The following SPRY3 variants were observed in gnomAD, a reference collection of about 807,000 sequenced individuals.
SPRY3 encodes sprouty RTK signaling antagonist 3.
Under a neutral mutation model 20.2 loss-of-function variants are expected in SPRY3, and 15 were observed. That is an observed-to-expected ratio of 0.74 (90% CI 0.50 to 1.14). The LOEUF (loss-of-function observed/expected upper bound fraction) is 1.14. SPRY3 is among the 50% of genes most tolerant of loss of function. SPRY3 has a pLI of 0.00. For synonymous variants in SPRY3, 143 were observed against 136.5 expected, an observed-to-expected ratio of 1.05 and a Z score of -0.33; for missense variants, 364 against 363.9, an observed-to-expected ratio of 1.00 and a Z score of 0.00.
chrX:155,713,862 G>C (rs975211456), intron 2 of SPRY3, among the ~76,000 whole-genome samples: 1 of 151,932 alleles, frequency 6.6e-6, no homozygotes, highest in African/African-American at 2.4e-5. Context: ...TTCCAGATCT[G>C]TAGGCATACT....
chrX:155,632,246 C>CACACACACACAT (rs1557350580), intron 1 of SPRY3, among the ~76,000 whole-genome samples: 1 of 109,788 alleles, frequency 9.1e-6, no homozygotes. Context: ...CACACACACA[C>CACACACACACAT]GCACACACAC....
intron 2 of SPRY3, among the ~76,000 whole-genome samples, chrX:155,748,024 C>G (rs1183180345): frequency 1.3e-5 from 2 of 151,872 alleles, no homozygotes; most frequent in African/African-American, 4.8e-5. Flanking sequence ...GGACTGGTAA[C>G]AAACAGTTTT....
intron 2 of SPRY3, among the ~76,000 whole-genome samples, chrX:155,695,790 T>G (rs1459753968): frequency 9.0e-6 from 1 of 111,534 alleles, no homozygotes; most frequent in African/African-American, 3.2e-5. Context: ...GCATTTTTTA[T>G]CTCCAAAATT....
chrX:155,633,956 C>T (rs186102673), intron 1 of SPRY3, among the ~76,000 whole-genome samples: 144 of 111,264 alleles, frequency 1.3e-3, no homozygotes, highest in African/African-American at 4.2e-3. Context: ...TGGCATGCGC[C>T]CGTAGTTCCA....
chrX:155,752,718 G>A (rs909477381), intron 2 of SPRY3, among the ~76,000 whole-genome samples: 1 of 151,720 alleles, frequency 6.6e-6, no homozygotes, highest in African/African-American at 2.4e-5. Context: ...TTACTTCTCA[G>A]ATAGAAAAAG....
At chrX:155,774,086 T>A (rs2091403632) in exon 4 of SPRY3, 1 of 1,613,976 alleles carries the variant, frequency 6.2e-7, no homozygotes, top group African/African-American at 1.3e-5. Flanking sequence ...TGCCATCAAC[T>A]GCAGCCCTTG....
intron 2 of SPRY3, among the ~76,000 whole-genome samples, chrX:155,725,031 G>C (rs1193232962): frequency 6.6e-6 from 1 of 152,108 alleles, no homozygotes; most frequent in South Asian, 2.1e-4. Flanking sequence ...AGCATGAAGG[G>C]CTGTTGAATT....
intron 2 of SPRY3, among the ~76,000 whole-genome samples, chrX:155,753,197 C>G (rs1388415121): frequency 6.6e-6 from 1 of 151,868 alleles, no homozygotes; most frequent in African/African-American, 2.4e-5. Flanking sequence ...CTATCTTATA[C>G]CATAATGTTT....
chrX:155,671,456 C>A (rs2068040346), intron 2 of SPRY3, among the ~76,000 whole-genome samples: 1 of 111,038 alleles, frequency 9.0e-6, no homozygotes, highest in Non-Finnish European at 1.9e-5. Context: ...AGGGCTATGG[C>A]AAAATCTTTC....
intron 2 of SPRY3, among the ~76,000 whole-genome samples, chrX:155,745,538 ATACCTGGCCTTGTCT>A (rs2091221578): frequency 6.6e-6 from 1 of 152,024 alleles, no homozygotes; most frequent in South Asian, 2.1e-4. Context: ...TTGTTCTAAG[ATACCTGGCCTTGTCT>A]TCCAAACAAA....
At chrX:155,768,390 T>C (rs1336368554) in intron 3 of SPRY3, among the ~76,000 whole-genome samples, 2 of 152,236 alleles carry the variant, frequency 1.3e-5, no homozygotes, top group Admixed American at 1.3e-4. Context: ...AATATTTTTC[T>C]AGGCGAATGT....
chrX:155,760,424 A>T (rs1250853696), intron 2 of SPRY3, among the ~76,000 whole-genome samples: 1 of 152,186 alleles, frequency 6.6e-6, no homozygotes, highest in Non-Finnish European at 1.5e-5. Context: ...CTTGAAGTAC[A>T]TTAAACTTAG....
chrX:155,763,262 T>C (rs2091311444), intron 2 of SPRY3, among the ~76,000 whole-genome samples: 1 of 152,074 alleles, frequency 6.6e-6, no homozygotes, highest in Non-Finnish European at 1.5e-5. Context: ...AACTCTAATA[T>C]CATATATTTA....
chrX:155,757,659 T>C (rs751019336), intron 2 of SPRY3, among the ~76,000 whole-genome samples: 31 of 152,230 alleles, frequency 2.0e-4, no homozygotes, highest in African/African-American at 7.5e-4. Context: ...TTTGGGACTT[T>C]TTGAAAATGC....
At chrX:155,754,234 T>C (rs774788784) in intron 2 of SPRY3, among the ~76,000 whole-genome samples, 4 of 152,112 alleles carry the variant, frequency 2.6e-5, no homozygotes, top group Non-Finnish European at 5.9e-5. Context: ...CATACATTTA[T>C]GTCTATGATT....
rs750939094 is a variant in SPRY3, at chrX:155,741,372, A to G, written c.-281-26590A>G. 2.9e-4 allele frequency among the ~76,000 whole-genome samples: 44 copies of G among 152,282 alleles called. No individual in the cohort carries two copies. In the South Asian group the frequency reaches 3.1e-3, roughly 11 times the overall value. ...ATTATGTAAAAAGACTGAACCTATG[A>G]CTGATTGGGGTACCTGAAAGAGATG... On this transcript the variant is annotated intron_variant, in intron 2 of 3. Coordinates refer to ENST00000675360, the Ensembl canonical transcript of SPRY3.
At chrX:155,727,627 G>A (rs753239875) in intron 2 of SPRY3, among the ~76,000 whole-genome samples, 11 of 151,996 alleles carry the variant, frequency 7.2e-5, no homozygotes, top group South Asian at 2.1e-4. Flanking sequence ...CGAAGTTCTC[G>A]TGCCATGGTT....
chrX:155,752,567 G>C (rs991902622), intron 2 of SPRY3, among the ~76,000 whole-genome samples: 1 of 151,412 alleles, frequency 6.6e-6, no homozygotes, highest in South Asian at 2.1e-4. Flanking sequence ...AGTTCTTACA[G>C]ATCCATAATA....
At chrX:155,726,098 G>C (rs2091095139) in intron 2 of SPRY3, among the ~76,000 whole-genome samples, 1 of 152,098 alleles carries the variant, frequency 6.6e-6, no homozygotes, top group Admixed American at 6.5e-5. Context: ...TTCAGGAGCT[G>C]GTTGTTCAGT....
Sources: allele counts gnomAD v4.1 joint callset (sites outside exome capture counted in the v4.1 genomes callset), GRCh38; gene constraint gnomAD v4.1.1; transcripts MANE v1.5; gene names NCBI Gene and HGNC (gene_info 2026-07-23, HGNC 2026-07-21).